ANKHD1: variants seen among roughly 807,000 people sequenced by gnomAD.
ANKHD1 encodes the protein ankyrin repeat and KH domain-containing protein 1.
ANKHD1 carries 31 observed loss-of-function variants against 230.5 expected under a neutral mutation model. The observed-to-expected ratio is 0.13, with a 90% confidence interval of 0.10 to 0.18. ANKHD1 has a LOEUF of 0.18. Among genes scored for constraint, ANKHD1 ranks in the 10% least tolerant of loss-of-function variants. ANKHD1 has a pLI of 1.00. For missense variants in ANKHD1, 2,256 were observed against 3,071.3 expected, an observed-to-expected ratio of 0.73 and a Z score of 6.27; for synonymous variants, 1,074 against 1,117.6, an observed-to-expected ratio of 0.96 and a Z score of 0.78.
At chr5:140,501,325 G>A (rs778515134) in intron 15 of ANKHD1, among the ~76,000 whole-genome samples, 17 of 151,724 alleles carry the variant, frequency 1.1e-4, no homozygotes, top group South Asian at 2.1e-4. Context: ...TGATCTGCCC[G>A]CCTCGGCCTC....
intron 1 of ANKHD1, among the ~76,000 whole-genome samples, chr5:140,427,200 C>T (rs1257520526): frequency 3.3e-5 from 5 of 149,652 alleles, no homozygotes; most frequent in African/African-American, 1.2e-4. Context: ...AGAGGGGCTC[C>T]TCACTTCCCA....
At chr5:140,524,465 A>G (rs1753509789) in intron 25 of ANKHD1, among the ~76,000 whole-genome samples, 1 of 152,232 alleles carries the variant, frequency 6.6e-6, no homozygotes, top group Admixed American at 6.5e-5. Context: ...ATTCAGTTGT[A>G]ATTTAAGTCA....
At chr5:140,512,950 A>G in intron 23 of ANKHD1, 27 bp downstream of exon 23, 1 of 1,560,448 alleles carries the variant, frequency 6.4e-7, no homozygotes, top group Non-Finnish European at 8.6e-7. Context: ...ACTGAAGCAC[A>G]TTTTTGTTCT....
chr5:140,539,494 T>A lies in ANKHD1; in HGVS notation c.*76T>A. The A allele has an allele frequency of 2.0e-6, 3 of 1,504,520 alleles. No individual in the cohort carries two copies. The highest frequency in any genetic ancestry group is 9.0e-7 in the Non-Finnish European group (1 of 1,109,178). 93.2% of individuals were successfully genotyped at this position (1,504,520 alleles called of 1,614,324 possible). On this transcript the variant is annotated 3_prime_UTR_variant, in exon 34 of 34. Coordinates refer to ENST00000360839, the MANE Select transcript of ANKHD1 (RefSeq NM_017747.3). Reference sequence around the variant, plus strand: ...AAGAACCATGGGGATTTTTTTTTAATGTGCCTAAGAAATTTTCTCTGAGGC... The same window carrying A: ...AAGAACCATGGGGATTTTTTTTTAAAGTGCCTAAGAAATTTTCTCTGAGGC...
At chr5:140,472,132 A>T in intron 10 of ANKHD1, 2 of 861,006 alleles carry the variant, frequency 2.3e-6, no homozygotes, top group Non-Finnish European at 3.8e-6. Flanking sequence ...GAAGATCCTG[A>T]GTTAACAAAG....
chr5:140,505,497 A>G (rs1013714133), intron 17 of ANKHD1, among the ~76,000 whole-genome samples: 1 of 152,344 alleles, frequency 6.6e-6, no homozygotes, highest in Middle Eastern at 3.4e-3. Context: ...ATCAAAGTTC[A>G]TTATGAGTAT....
intron 24 of ANKHD1, among the ~76,000 whole-genome samples, chr5:140,521,737 T>A (rs1753358325): frequency 6.6e-6 from 1 of 152,186 alleles, no homozygotes; most frequent in Non-Finnish European, 1.5e-5. Context: ...CCTAGCACTT[T>A]GGGAGGCTGA....
At chr5:140,503,353 T>C (rs922789861) in intron 15 of ANKHD1, among the ~76,000 whole-genome samples, 1 of 152,028 alleles carries the variant, frequency 6.6e-6, no homozygotes, top group Admixed American at 6.6e-5. Flanking sequence ...CTATAAAATA[T>C]CTGATAGTTA....
intron 1 of ANKHD1, among the ~76,000 whole-genome samples, chr5:140,422,340 G>T (rs891648849): frequency 4.6e-5 from 7 of 152,002 alleles, no homozygotes; most frequent in East Asian, 1.9e-4. Context: ...GGGCAGGCTG[G>T]TCTCAAACTC....
chr5:140,523,813 G>A (rs1434450787), intron 24 of ANKHD1, among the ~76,000 whole-genome samples: 2 of 151,610 alleles, frequency 1.3e-5, no homozygotes, highest in Non-Finnish European at 2.9e-5. Flanking sequence ...CACCGACCTC[G>A]GCCTCTCAAA....
At chr5:140,430,402 G>A (rs1473117172) in intron 1 of ANKHD1, among the ~76,000 whole-genome samples, 1 of 152,152 alleles carries the variant, frequency 6.6e-6, no homozygotes, top group Non-Finnish European at 1.5e-5. Context: ...GATGAGCTAT[G>A]TAACAGTATC....
intron 9 of ANKHD1, 79 bp from the exon 10 acceptor site, chr5:140,464,588 T>G (rs2126980208): frequency 8.1e-7 from 1 of 1,231,442 alleles, no homozygotes; most frequent in East Asian, 2.7e-5. Flanking sequence ...AATTCTTCAG[T>G]TTCACCAGAT....
Position 140,466,392 on chromosome 5 carries a change from CAAA to C in ANKHD1, c.1782+1628_1782+1630del, listed in dbSNP as rs5871737. Among the ~76,000 whole-genome samples, 7 of 131,878 alleles carry C rather than the reference CAAA, an allele frequency of 5.3e-5. 1 individual carries two copies. The highest frequency in any genetic ancestry group is 4.3e-4 in the East Asian group (2 of 4,682). 86.5% of individuals were successfully genotyped at this position (131,878 alleles called of 152,430 possible). ...GGCAACAAGAGCAAAAACGCCATCT[CAAA>C]AAAAAAAAAAAGAAAAAAATTAAAT... is the stretch of plus-strand genomic sequence containing the variant. On this transcript the variant is annotated intron_variant, in intron 10 of 33. Coordinates refer to ENST00000360839, the MANE Select transcript of ANKHD1 (RefSeq NM_017747.3).
intron 5 of ANKHD1, among the ~76,000 whole-genome samples, chr5:140,442,578 A>G (rs1356161399): frequency 2.6e-5 from 4 of 152,200 alleles, no homozygotes; most frequent in African/African-American, 9.7e-5. Context: ...GGCTCCCTGT[A>G]TTAATTAAAT....
At chr5:140,457,940 A>G (rs1477793315) in intron 7 of ANKHD1, among the ~76,000 whole-genome samples, 1 of 152,186 alleles carries the variant, frequency 6.6e-6, no homozygotes, top group Non-Finnish European at 1.5e-5. Context: ...GATACCCACC[A>G]TGAGAATATT....
intron 14 of ANKHD1, 49 bp from the exon 15 acceptor site, chr5:140,496,461 CTTTTTTTTTT>C: frequency 2.0e-6 from 1 of 511,146 alleles, no homozygotes; most frequent in African/African-American, 3.4e-5. Flanking sequence ...TTTTTCTTTT[CTTTTTTTTTT>C]TTTTTTTTTT....
At chr5:140,494,041 A>G (rs969289880) in intron 14 of ANKHD1, among the ~76,000 whole-genome samples, 3 of 152,218 alleles carry the variant, frequency 2.0e-5, no homozygotes, top group Non-Finnish European at 4.4e-5. Flanking sequence ...GTGTTTTGAA[A>G]CTAATGGATG....
In ANKHD1 at chr5:140,527,118, C is replaced by T; in HGVS notation, c.5087+44C>T. 6.4e-7 allele frequency: 1 copy of T among 1,569,234 alleles called. No individual in the cohort carries two copies. Among genetic ancestry groups the T allele is most frequent in the Non-Finnish European group, 8.6e-7 (1 of 1,157,764 alleles). ...ATCTTTTTAGCTTTCATATATTTTC[C>T]CTTTCTCATGTGAGATGGCTACCTA... On this transcript the variant is annotated intron_variant, in intron 27 of 33. Transcript: ENST00000360839. The surrounding 1 kb of genome is among the most constrained non-coding windows in gnomAD (Gnocchi z 4.5).
At position 140,419,788 on chromosome 5, in the gene ANKHD1, T is replaced by C. The variant is rs868758839; in HGVS notation, c.307-16316T>C. Among the ~76,000 whole-genome samples the C allele has an allele frequency of 4.0e-4, 35 of 87,986 alleles. No individual in the cohort carries two copies. In the South Asian group the frequency reaches 6.5e-3, roughly 16 times the overall value. 57.7% of individuals were successfully genotyped at this position (87,986 alleles called of 152,430 possible). A position where few individuals can be genotyped will look rare whatever the true frequency, so the allele number is the denominator to read the frequency against. On this transcript the variant is annotated intron_variant, in intron 1 of 33. Coordinates refer to ENST00000360839, the MANE Select transcript of ANKHD1 (RefSeq NM_017747.3). ...CTTTCCTTTCTTTTTCTTTCTTTCT[T>C]TCTTTCTTTCTTTCTTTCTTTCTTT...
Sources: allele counts gnomAD v4.1 joint callset (sites outside exome capture counted in the v4.1 genomes callset), GRCh38; gene constraint gnomAD v4.1.1; non-coding constraint Gnocchi (gnomAD v3.1); transcripts MANE v1.5; gene names NCBI Gene and HGNC (gene_info 2026-07-23, HGNC 2026-07-21).